Variants in MYO3B observed in about 807,000 individuals in gnomAD.
MYO3B encodes myosin IIIB.
In MYO3B, 156 loss-of-function variants were observed where a neutral mutation model predicts 174.6. The ratio of observed to expected loss-of-function variants is 0.89; its 90% CI spans 0.78 to 1.02. The LOEUF is 1.02. MYO3B is among the 50% of genes least tolerant of loss of function. The pLI, the probability that MYO3B is intolerant of heterozygous loss-of-function variation, is 0.00. For synonymous variants in MYO3B, 563 were observed against 569.1 expected, an observed-to-expected ratio of 0.99 and a Z score of 0.15; for missense variants, 1,632 against 1,639.4, an observed-to-expected ratio of 1.00 and a Z score of 0.08.
At chr2:170,531,874 A>G (rs1689374258) in intron 30 of MYO3B, among the ~76,000 whole-genome samples, 2 of 152,264 alleles carry the variant, frequency 1.3e-5, no homozygotes, top group South Asian at 4.1e-4. Context: ...TTAAGAAAAC[A>G]GAAAATCATC....
intron 1 of MYO3B, among the ~76,000 whole-genome samples, chr2:170,181,914 C>A (rs1177463658): frequency 6.6e-6 from 1 of 152,062 alleles, no homozygotes; most frequent in Non-Finnish European, 1.5e-5. Flanking sequence ...TTCTAAAAAT[C>A]TTGACAGTGT....
intron 8 of MYO3B, among the ~76,000 whole-genome samples, chr2:170,368,054 GA>G (rs2094211792): frequency 6.6e-6 from 1 of 152,192 alleles, no homozygotes; most frequent in Admixed American, 6.5e-5. Flanking sequence ...AAAGTGTTTT[GA>G]ACTGAAAACT....
intron 24 of MYO3B, among the ~76,000 whole-genome samples, chr2:170,464,222 G>T (rs188184235): frequency 6.6e-6 from 1 of 151,932 alleles, no homozygotes; most frequent in African/African-American, 2.4e-5. Flanking sequence ...GGTGGCAGGT[G>T]CCTGTAATCC....
intron 23 of MYO3B, among the ~76,000 whole-genome samples, chr2:170,461,459 T>A (rs1575016336): frequency 1.3e-5 from 1 of 74,380 alleles, no homozygotes. Flanking sequence ...GGAGCAAAAC[T>A]CAGTCTCAAA....
At chr2:170,256,573 A>T (rs1014450693) in intron 7 of MYO3B, among the ~76,000 whole-genome samples, 2 of 152,162 alleles carry the variant, frequency 1.3e-5, no homozygotes, top group Non-Finnish European at 2.9e-5. Context: ...ATTTTTTTCC[A>T]GGTAGGTAAT....
intron 7 of MYO3B, among the ~76,000 whole-genome samples, chr2:170,280,315 T>C (rs1392573394): frequency 6.6e-6 from 1 of 152,170 alleles, no homozygotes; most frequent in Non-Finnish European, 1.5e-5. Context: ...GGGTTGTTTT[T>C]TTTTCTCTTA....
chr2:170,295,635 C>T (rs1331406792), intron 7 of MYO3B, among the ~76,000 whole-genome samples: 1 of 152,018 alleles, frequency 6.6e-6, no homozygotes, highest in Non-Finnish European at 1.5e-5. Context: ...TAGATGTATC[C>T]ATGTTGAGCC....
intron 29 of MYO3B, among the ~76,000 whole-genome samples, chr2:170,517,189 C>G (rs572158743): frequency 1.3e-4 from 20 of 152,236 alleles, no homozygotes; most frequent in Non-Finnish European, 2.1e-4. Context: ...TCCTTCTAAG[C>G]TTTATTCAGA....
intron 30 of MYO3B, among the ~76,000 whole-genome samples, chr2:170,536,053 C>A (rs968716456): frequency 6.6e-6 from 1 of 152,194 alleles, no homozygotes; most frequent in Admixed American, 6.5e-5. Flanking sequence ...TCTGCTCCTA[C>A]CTTAGACTTT....
At chr2:170,204,486 A>G (rs1415645113) in intron 3 of MYO3B, among the ~76,000 whole-genome samples, 1 of 152,208 alleles carries the variant, frequency 6.6e-6, no homozygotes, top group Non-Finnish European at 1.5e-5. Context: ...AAGAAAGTTG[A>G]TGGCTTATTG....
At chr2:170,287,330 T>C (rs1429530216) in intron 7 of MYO3B, among the ~76,000 whole-genome samples, 5 of 152,164 alleles carry the variant, frequency 3.3e-5, no homozygotes, top group Non-Finnish European at 7.4e-5. Context: ...GCTGTACTAA[T>C]TTGCATTCCC....
chr2:170,332,119 A>G (rs959225971), intron 7 of MYO3B: 1 of 152,242 alleles, frequency 6.6e-6, no homozygotes, highest in African/African-American at 2.4e-5. Flanking sequence ...TTAATTGGAT[A>G]TGGGGTTAAG....
intron 29 of MYO3B, among the ~76,000 whole-genome samples, chr2:170,516,642 C>CAA (rs35780085): frequency 3.5e-4 from 38 of 108,212 alleles, no homozygotes; most frequent in Admixed American, 5.7e-4. Context: ...GACTCCGTCT[C>CAA]AAAAAAAAAA....
intron 3 of MYO3B, among the ~76,000 whole-genome samples, chr2:170,205,917 C>T (rs1179960114): frequency 6.6e-6 from 1 of 151,858 alleles, no homozygotes. Flanking sequence ...GGGTAGTATA[C>T]AGGTATATAT....
At chr2:170,593,751 A>G (rs999540329) in intron 32 of MYO3B, among the ~76,000 whole-genome samples, 1 of 152,194 alleles carries the variant, frequency 6.6e-6, no homozygotes, top group Non-Finnish European at 1.5e-5. Context: ...AGCTCTATAC[A>G]CTTGAACATG....
chr2:170,272,867 A>G (rs113767120), intron 7 of MYO3B, among the ~76,000 whole-genome samples: 5,842 of 152,320 alleles, frequency 0.038, 146 homozygotes, highest in Middle Eastern at 0.058. Flanking sequence ...AATCTTGTAC[A>G]TCTCATAATA....
At chr2:170,187,376 G>T (rs529314122) in intron 1 of MYO3B, among the ~76,000 whole-genome samples, 1 of 152,224 alleles carries the variant, frequency 6.6e-6, no homozygotes, top group Non-Finnish European at 1.5e-5. Context: ...GGGATTACAG[G>T]TGTGTGCCAG....
chr2:170,478,510 G>A (rs1019570736), intron 25 of MYO3B, among the ~76,000 whole-genome samples: 6 of 149,438 alleles, frequency 4.0e-5, no homozygotes, highest in Admixed American at 3.4e-4. Flanking sequence ...GAAGGTGTGT[G>A]GGGTGTTATT....
At chr2:170,617,808 T>A (rs1487604905) in intron 32 of MYO3B, among the ~76,000 whole-genome samples, 2 of 152,200 alleles carry the variant, frequency 1.3e-5, no homozygotes, top group African/African-American at 4.8e-5. Context: ...ATATGACCTT[T>A]AGGAGCCCAA....
Sources: gnomAD v4.1 joint callset for allele counts (sites outside exome capture counted in the v4.1 genomes callset) on GRCh38, gnomAD v4.1.1 for gene constraint, MANE v1.5 for transcripts, NCBI Gene and HGNC (gene_info 2026-07-23, HGNC 2026-07-21) for gene names.